The following SGCG variants were observed in gnomAD, a reference collection of about 807,000 sequenced individuals.
SGCG encodes the protein gamma-sarcoglycan.
In SGCG, 26 loss-of-function variants were observed where a neutral mutation model predicts 29.3. The observed-to-expected ratio is 0.89, with a 90% CI of 0.65 to 1.23. SGCG has a LOEUF of 1.23. SGCG is among the 50% of genes most tolerant of loss of function. SGCG has a pLI of 0.00. For missense variants in SGCG, 353 were observed against 356.0 expected, an observed-to-expected ratio of 0.99 and a Z score of 0.07; for synonymous variants, 145 against 129.7, an observed-to-expected ratio of 1.12 and a Z score of -0.80.
intron 4 of SGCG, among the ~76,000 whole-genome samples, chr13:23,251,672 C>A (rs1449233908): frequency 6.6e-6 from 1 of 151,946 alleles, no homozygotes; most frequent in African/African-American, 2.4e-5. Context: ...ACTGGGGAGT[C>A]TGAGACAGGG....
intron 6 of SGCG, among the ~76,000 whole-genome samples, chr13:23,306,414 A>G (rs759914981): frequency 1.3e-5 from 2 of 152,170 alleles, no homozygotes; most frequent in Non-Finnish European, 2.9e-5. Context: ...ATGGGAGTTG[A>G]TTTTGGCCAA....
the SGCG span, among the ~76,000 whole-genome samples, chr13:23,164,681 A>C: frequency 2.6e-5 from 4 of 152,142 alleles, no homozygotes; most frequent in Non-Finnish European, 5.9e-5. Context: ...AGGATGCAAG[A>C]GACAGGAGAG....
intron 2 of SGCG, among the ~76,000 whole-genome samples, chr13:23,211,472 GAGAGCTTGACCCCCCCTTTCACCAT>G (rs575271467): frequency 1.1e-3 from 172 of 152,252 alleles, no homozygotes; most frequent in African/African-American, 3.9e-3. Context: ...AAGTGGAGAG[GAGAGCTTGACCCCCCCTTTCACCAT>G]AGAGACCAAG....
intron 6 of SGCG, among the ~76,000 whole-genome samples, chr13:23,299,503 G>A (rs9552915): frequency 0.26 from 21,545 of 82,628 alleles, 5,749 homozygotes; most frequent in East Asian, 0.82. Flanking sequence ...CCCAGGCTGG[G>A]GTGCAGTGGC....
In SGCG at chr13:23,217,343, A is replaced by T. The variant is rs574725878; in HGVS notation, c.195+13454A>T. 2.0e-5 allele frequency: 3 copies of T among 152,152 alleles called. No individual in the cohort carries two copies. The East Asian group carries it at 5.8e-4, about 29-fold the overall frequency. 9.4% of individuals were successfully genotyped at this position (152,152 alleles called of 1,614,324 possible). A position where few individuals can be genotyped will look rare whatever the true frequency, so the allele number is the denominator to read the frequency against. On this transcript the variant is annotated intron_variant, in intron 2 of 7. Transcript: ENST00000218867. ...GAACCCAACATTTCCAATTATAATA[A>T]ATTTATCATTGTTTTCATATATATA... is the stretch of plus-strand genomic sequence containing the variant.
intron 6 of SGCG, among the ~76,000 whole-genome samples, chr13:23,319,560 A>G (rs1274814625): frequency 6.6e-6 from 1 of 152,188 alleles, no homozygotes; most frequent in Non-Finnish European, 1.5e-5. Context: ...CATCAGATGT[A>G]AAAAGTCTGT....
intron 4 of SGCG, among the ~76,000 whole-genome samples, chr13:23,269,962 C>T (rs1566024460): frequency 6.6e-6 from 1 of 151,058 alleles, no homozygotes; most frequent in Non-Finnish European, 1.5e-5. Flanking sequence ...GCAAGCTCCG[C>T]CTCCCAGGTT....
chr13:23,282,774 A>T lies in SGCG; in HGVS notation c.505+3296A>T, dbSNP rs570244198. The stretch of plus-strand genomic sequence containing the variant: ...TTGCTATTGAACCTCAGCATTGTTA[A>T]CATTTTGGGCTGGATAATGTTTTTG... On this transcript the variant is annotated intron_variant, in intron 5 of 7. Transcript: ENST00000218867. 2.0e-5 allele frequency among the ~76,000 whole-genome samples: 3 copies of T among 152,132 alleles called. No individual in the cohort carries two copies. In the South Asian group the frequency reaches 6.2e-4, roughly 32 times the overall value.
At chr13:23,277,438 A>T (rs1000191059) in intron 4 of SGCG, among the ~76,000 whole-genome samples, 1 of 152,148 alleles carries the variant, frequency 6.6e-6, no homozygotes, top group African/African-American at 2.4e-5. Context: ...GATGTAACAT[A>T]GAGAAAAAAG....
At chr13:23,188,353 T>G (rs1877080612) in intron 1 of SGCG, among the ~76,000 whole-genome samples, 2 of 132,864 alleles carry the variant, frequency 1.5e-5, no homozygotes, top group Non-Finnish European at 3.1e-5. Flanking sequence ...GAGATAAGAG[T>G]CTTGCTCTGT....
At chr13:23,251,119 C>T (rs1055186538) in intron 4 of SGCG, among the ~76,000 whole-genome samples, 6 of 152,188 alleles carry the variant, frequency 3.9e-5, no homozygotes, top group African/African-American at 1.4e-4. Context: ...TTTCTCTCCT[C>T]CCCATGTGCT....
At chr13:23,259,675 G>T (rs540260489) in intron 4 of SGCG, among the ~76,000 whole-genome samples, 1 of 152,234 alleles carries the variant, frequency 6.6e-6, no homozygotes, top group Admixed American at 6.5e-5. Context: ...TCTCTTGTGG[G>T]CATTTAGTGC....
At chr13:23,264,335 T>C (rs1880558375) in intron 4 of SGCG, among the ~76,000 whole-genome samples, 2 of 146,088 alleles carry the variant, frequency 1.4e-5, no homozygotes, top group South Asian at 4.5e-4. Flanking sequence ...TTTACAATGG[T>C]TACAAAAAAA....
chr13:23,305,916 G>C (rs148976675), intron 6 of SGCG, among the ~76,000 whole-genome samples: 1 of 152,120 alleles, frequency 6.6e-6, no homozygotes, highest in Non-Finnish European at 1.5e-5. Flanking sequence ...TGCCTGCCCA[G>C]GCTAAAGTGC....
At chr13:23,302,530 G>T (rs1372099530) in intron 6 of SGCG, among the ~76,000 whole-genome samples, 1 of 151,918 alleles carries the variant, frequency 6.6e-6, no homozygotes, top group Non-Finnish European at 1.5e-5. Flanking sequence ...CCAACATAAA[G>T]AAATCATAAA....
chr13:23,238,717 A>G (rs1318488944), intron 3 of SGCG, among the ~76,000 whole-genome samples: 1 of 152,252 alleles, frequency 6.6e-6, no homozygotes, highest in Non-Finnish European at 1.5e-5. Context: ...CGAGGAAAGC[A>G]TAATCATGTT....
intron 1 of SGCG, among the ~76,000 whole-genome samples, chr13:23,197,644 T>C (rs12430061): frequency 0.15 from 22,334 of 152,174 alleles, 2,180 homozygotes; most frequent in Middle Eastern, 0.25. Flanking sequence ...TATTGGAAGG[T>C]AGATCTTAGA....
At chr13:23,221,451 T>A (rs145026588) in intron 2 of SGCG, among the ~76,000 whole-genome samples, 2,693 of 152,222 alleles carry the variant, frequency 0.018, 42 homozygotes, top group South Asian at 0.056. Context: ...TTTTAAAAAA[T>A]ATATACTGAG....
At chr13:23,298,061 A>G (rs969629386) in intron 6 of SGCG, among the ~76,000 whole-genome samples, 1 of 149,386 alleles carries the variant, frequency 6.7e-6, no homozygotes, top group Non-Finnish European at 1.5e-5. Flanking sequence ...CACTTTTTAA[A>G]TTGTTATTAT....
Sources: allele counts gnomAD v4.1 joint callset (sites outside exome capture counted in the v4.1 genomes callset), GRCh38; gene constraint gnomAD v4.1.1; transcripts MANE v1.5; gene names NCBI Gene and HGNC (gene_info 2026-07-23, HGNC 2026-07-21).